CTNNA3: variants seen among roughly 807,000 people sequenced by gnomAD.
The protein encoded by CTNNA3 is catenin alpha 3, also known as catenin alpha-3.
A neutral mutation model predicts 95.7 loss-of-function variants in CTNNA3; 76 were observed. That is an observed-to-expected ratio of 0.79 (90% CI 0.66 to 0.96). The LOEUF is 0.96. Ranked by LOEUF, CTNNA3 falls within the 40% of genes least tolerant of loss-of-function variation. The probability of loss-of-function intolerance (pLI) is 0.00; values close to 1 mark genes in which losing one functional copy is unlikely to be tolerated. For missense variants in CTNNA3, 1,191 were observed against 1,089.8 expected (o/e 1.09, Z -1.31); for synonymous variants, 431 against 374.4 (o/e 1.15, Z -1.74).
chr10:66,212,158 T>G (rs1338566196), intron 13 of CTNNA3, among the ~76,000 whole-genome samples: 1 of 151,872 alleles, frequency 6.6e-6, no homozygotes, highest in Non-Finnish European at 1.5e-5. Flanking sequence ...CCTGGCTAAT[T>G]TTTGTATTTT....
At chr10:67,726,634 T>C (rs1238249508) in intron 1 of CTNNA3, among the ~76,000 whole-genome samples, 6 of 86,766 alleles carry the variant, frequency 6.9e-5, no homozygotes, top group Admixed American at 2.0e-4. Flanking sequence ...TATTATATTA[T>C]ATATAATATA....
intron 13 of CTNNA3, among the ~76,000 whole-genome samples, chr10:66,268,500 C>T (rs1363544742): frequency 6.6e-6 from 1 of 152,142 alleles, no homozygotes. Context: ...ACTCCTTAGT[C>T]CAGATGTCAG....
intron 9 of CTNNA3, among the ~76,000 whole-genome samples, chr10:66,739,829 C>T (rs565111766): frequency 6.6e-6 from 1 of 152,056 alleles, no homozygotes; most frequent in African/African-American, 2.4e-5. Context: ...TGTGTGTAGA[C>T]ACAAACATAT....
At chr10:67,443,467 GA>G (rs1438563099) in intron 5 of CTNNA3, among the ~76,000 whole-genome samples, 1 of 151,466 alleles carries the variant, frequency 6.6e-6, no homozygotes, top group African/African-American at 2.4e-5. Context: ...GTTGTTTCCT[GA>G]CTTTTTAATG....
At chr10:66,327,223 A>C (rs2092264870) in intron 12 of CTNNA3, among the ~76,000 whole-genome samples, 1 of 152,084 alleles carries the variant, frequency 6.6e-6, no homozygotes, top group South Asian at 2.1e-4. Flanking sequence ...AAAAGTTTAA[A>C]AGCCAGCAAC....
chr10:66,851,883 C>T (rs932331211), intron 7 of CTNNA3, among the ~76,000 whole-genome samples: 1 of 152,038 alleles, frequency 6.6e-6, no homozygotes, highest in African/African-American at 2.4e-5. Flanking sequence ...TTAATGAGTG[C>T]AATAGATACA....
intron 13 of CTNNA3, among the ~76,000 whole-genome samples, chr10:66,212,623 T>C (rs1332853191): frequency 6.6e-6 from 1 of 152,314 alleles, no homozygotes; most frequent in South Asian, 2.1e-4. Flanking sequence ...GTAAAAGATT[T>C]TTAATTTAGT....
intron 1 of CTNNA3, among the ~76,000 whole-genome samples, chr10:67,672,256 T>G (rs1188530713): frequency 2.0e-5 from 3 of 152,248 alleles, no homozygotes; most frequent in Non-Finnish European, 4.4e-5. Flanking sequence ...ATTCTGGGTA[T>G]TAGCCCTTTG....
At chr10:66,928,206 C>T in intron 7 of CTNNA3, 8 of 1,614,092 alleles carry the variant, frequency 5.0e-6, no homozygotes, top group Admixed American at 1.7e-5. Flanking sequence ...TTTTCCTGTC[C>T]GTGCTCGTCA....
chr10:67,010,295 G>C (rs1231492074), intron 7 of CTNNA3, among the ~76,000 whole-genome samples: 1 of 152,144 alleles, frequency 6.6e-6, no homozygotes, highest in Non-Finnish European at 1.5e-5. Context: ...TCCCACATTA[G>C]TTAGAATAAT....
intron 7 of CTNNA3, among the ~76,000 whole-genome samples, chr10:66,964,755 A>T (rs1481197003): frequency 6.6e-6 from 1 of 152,146 alleles, no homozygotes; most frequent in Non-Finnish European, 1.5e-5. Flanking sequence ...ATAAGGCAGC[A>T]TGGAAGTAGG....
Position 66,102,392 on chromosome 10 carries a change from C to T in CTNNA3, c.1977+765G>A, listed in dbSNP as rs115949191. Among the ~76,000 whole-genome samples, 496 of 152,220 alleles carry T rather than the reference C, an allele frequency of 3.3e-3. 1 individual carries two copies. The highest frequency in any genetic ancestry group is 0.011 in the African/African-American group (473 of 41,540). ...CACAGTAATCCTCATATGAAGGATACTATTAGTATCTCTGCTTTACAAATG... is the reference window on the plus strand; with the variant it reads ...CACAGTAATCCTCATATGAAGGATATTATTAGTATCTCTGCTTTACAAATG... On this transcript the variant is annotated intron_variant, in intron 14 of 17. Coordinates refer to ENST00000433211, the MANE Select transcript of CTNNA3 (RefSeq NM_013266.4).
At chr10:66,360,804 CCTTCCTTCCTTCCTTTCTTTCTTT>C (rs1434815408) in intron 12 of CTNNA3, among the ~76,000 whole-genome samples, 996 of 69,858 alleles carry the variant, frequency 0.014, 70 homozygotes, top group African/African-American at 0.05. Context: ...TTCCTTCCTT[CCTTCCTTCCTTCCTTTCTTTCTTT>C]CTTTCTTTCT....
chr10:66,040,313 T>G (rs570076452), intron 15 of CTNNA3, among the ~76,000 whole-genome samples: 2 of 152,078 alleles, frequency 1.3e-5, no homozygotes, highest in African/African-American at 4.8e-5. Context: ...TGGAAAGCAG[T>G]GTGACAATTC....
At chr10:67,549,987 GT>G (rs150981280) in intron 3 of CTNNA3, among the ~76,000 whole-genome samples, 1 of 152,030 alleles carries the variant, frequency 6.6e-6, no homozygotes. Context: ...TTCATAATCT[GT>G]TTTTTTAAAA....
chr10:66,556,971 G>A (rs1046996692), intron 10 of CTNNA3, among the ~76,000 whole-genome samples: 3 of 151,980 alleles, frequency 2.0e-5, no homozygotes, highest in Non-Finnish European at 4.4e-5. Context: ...ATATCATGCT[G>A]TACACCTTAA....
chr10:67,524,169 C>T (rs1265767872), intron 4 of CTNNA3, among the ~76,000 whole-genome samples: 2 of 151,882 alleles, frequency 1.3e-5, no homozygotes, highest in East Asian at 3.9e-4. Context: ...TTTGGGAGGC[C>T]GAGGCGGGCG....
At chr10:67,574,840 CA>C (rs1842093640) in intron 3 of CTNNA3, among the ~76,000 whole-genome samples, 1 of 152,140 alleles carries the variant, frequency 6.6e-6, no homozygotes, top group African/African-American at 2.4e-5. Context: ...CTCGGCCTCC[CA>C]AAGTGTTGGG....
intron 7 of CTNNA3, among the ~76,000 whole-genome samples, chr10:67,143,351 G>A (rs1237523831): frequency 5.4e-5 from 8 of 148,010 alleles, no homozygotes; most frequent in Non-Finnish European, 1.2e-4. Flanking sequence ...GAACCCAGAA[G>A]GTGGAGGTTG....
Sources: allele counts gnomAD v4.1 joint callset (sites outside exome capture counted in the v4.1 genomes callset), GRCh38; gene constraint gnomAD v4.1.1; transcripts MANE v1.5; gene names NCBI Gene and HGNC (gene_info 2026-07-23, HGNC 2026-07-21).